The following DPYSL4 variants were observed in gnomAD, a reference collection of about 807,000 sequenced individuals.
The protein encoded by DPYSL4 is dihydropyrimidinase like 4.
In DPYSL4, 43 loss-of-function variants were observed where a neutral mutation model predicts 63.4. The ratio of observed to expected loss-of-function variants is 0.68; its 90% CI spans 0.53 to 0.88. The LOEUF (loss-of-function observed/expected upper bound fraction) is 0.88. DPYSL4 is among the 40% of genes least tolerant of loss of function. The probability of loss-of-function intolerance (pLI) is 0.00; values close to 1 mark genes in which losing one functional copy is unlikely to be tolerated. For missense variants in DPYSL4, 733 were observed against 819.5 expected (o/e 0.89, Z 1.29); for synonymous variants, 353 against 331.7 (o/e 1.06, Z -0.70).
chr10:132,200,266 G>A, intron 8 of DPYSL4, 90 bp from the exon 9 acceptor site: 2 of 1,493,856 alleles, frequency 1.3e-6, no homozygotes, highest in Non-Finnish European at 1.8e-6. Context: ...GAAAGTGAGG[G>A]GCAGTCGTGG....
At chr10:132,190,918 G>A in intron 2 of DPYSL4, 83 bp downstream of exon 2, 1 of 1,406,090 alleles carries the variant, frequency 7.1e-7, no homozygotes, top group Non-Finnish European at 9.9e-7. Context: ...TTGAAAGTAT[G>A]TTCCCAGCTC....
chr10:132,193,642 T>C (rs1454377515), intron 3 of DPYSL4, among the ~76,000 whole-genome samples: 1 of 152,268 alleles, frequency 6.6e-6, no homozygotes, highest in Non-Finnish European at 1.5e-5. Flanking sequence ...CTGAGGAGCC[T>C]AGCTGAACCT....
In DPYSL4 at chr10:132,202,690, G is replaced by C. The variant is rs777892728; in HGVS notation, c.1326G>C (p.Ala442=). 6.2e-7 allele frequency: 1 copy of C among 1,613,196 alleles called. No homozygotes were observed. The highest frequency in any genetic ancestry group is 8.5e-7 in the Non-Finnish European group (1 of 1,179,966). ...TCGAGGGAGTGGAGTGCCGGGGAGCGCCTGCCGTGGTCATAAGTCAGGGCC... is the reference window on the plus strand; with the variant it reads ...TCGAGGGAGTGGAGTGCCGGGGAGCCCCTGCCGTGGTCATAAGTCAGGGCC... ...NIFEGVECRG[A]PAVVISQGRV... is the part of the protein sequence containing the mutation. The change falls in exon 12 of 14, where the codon GCG becomes GCC. Residue 442 remains alanine, a synonymous_variant. Transcript: ENST00000338492.
intron 3 of DPYSL4, among the ~76,000 whole-genome samples, chr10:132,194,054 G>A (rs754136932): frequency 2.6e-4 from 40 of 152,242 alleles, no homozygotes; most frequent in South Asian, 6.2e-4. Context: ...GTGGGTCCCC[G>A]CGAAGACAGA....
At chr10:132,189,202 A>G (rs2061842089) in intron 1 of DPYSL4, among the ~76,000 whole-genome samples, 1 of 152,246 alleles carries the variant, frequency 6.6e-6, no homozygotes, top group Non-Finnish European at 1.5e-5. Context: ...GCAGACGGTC[A>G]GTCCTGCCGG....
At chr10:132,198,152 T>C (rs1433188876) in intron 6 of DPYSL4, among the ~76,000 whole-genome samples, 4 of 152,122 alleles carry the variant, frequency 2.6e-5, no homozygotes, top group Non-Finnish European at 4.4e-5. Flanking sequence ...GGGGTCTTGG[T>C]GCCATCAGTC....
At position 132,191,346 on chromosome 10, in the gene DPYSL4, T is replaced by G. The variant is rs112164254; in HGVS notation, c.128+511T>G. 8.8e-3 allele frequency among the ~76,000 whole-genome samples: 1,183 copies of G among 133,922 alleles called. 16 individuals carry two copies. Among genetic ancestry groups the G allele is most frequent in the African/African-American group, 0.031 (1,073 of 34,276 alleles). The allele number at this position is 133,922 out of a possible 152,430, so 87.9% of individuals were successfully genotyped here. A position where few individuals can be genotyped will look rare whatever the true frequency, so the allele number is the denominator to read the frequency against. On this transcript the variant is annotated intron_variant, in intron 2 of 13. Transcript: ENST00000338492. ...CACTGGCCACGTGGTATCCAGGCAG[T>G]TGAAAGTATGTTCCCACCTCTTGTG...
intron 12 of DPYSL4, 93 bp from the exon 13 acceptor site, chr10:132,203,669 G>A (rs1212638675): frequency 5.1e-5 from 63 of 1,241,910 alleles, no homozygotes; most frequent in Non-Finnish European, 6.6e-5. Flanking sequence ...CCCTCCAGCT[G>A]CCCATGCTCA....
chr10:132,202,421 C>T (rs1217727138), intron 11 of DPYSL4, among the ~76,000 whole-genome samples: 3 of 152,250 alleles, frequency 2.0e-5, no homozygotes, highest in African/African-American at 7.2e-5. Context: ...ACGCCTGTCC[C>T]CTTTGTCCTC....
At chr10:132,192,602 C>A in intron 2 of DPYSL4, 56 bp from the exon 3 acceptor site, 1 of 1,527,304 alleles carries the variant, frequency 6.5e-7, no homozygotes. Context: ...TGCTGGGAGC[C>A]CATCTGGGCT....
intron 8 of DPYSL4, 58 bp downstream of exon 8, chr10:132,199,029 C>A: frequency 6.3e-7 from 1 of 1,582,246 alleles, no homozygotes; most frequent in Non-Finnish European, 8.6e-7. Flanking sequence ...CTCCTGGGTG[C>A]AGCCCTGGGG....
chr10:132,192,595 T>C, intron 2 of DPYSL4, 63 bp from the exon 3 acceptor site: 8 of 1,525,226 alleles, frequency 5.2e-6, no homozygotes, highest in Non-Finnish European at 7.0e-6. Context: ...GCTGCATTGC[T>C]GGGAGCCCAT....
At chr10:132,187,297 C>G (rs1441041160) in intron 1 of DPYSL4, among the ~76,000 whole-genome samples, 195 bp downstream of exon 1, 2 of 151,604 alleles carry the variant, frequency 1.3e-5, no homozygotes, top group Admixed American at 6.5e-5. Flanking sequence ...TAGCGCCGCG[C>G]AGACCCCCTT....
chr10:132,204,749 G>A, intron 13 of DPYSL4, 90 bp from the exon 14 acceptor site: 1 of 1,179,418 alleles, frequency 8.5e-7, no homozygotes, highest in Non-Finnish European at 1.2e-6. Flanking sequence ...TGGCCCCACT[G>A]ACGCAGCCAC....
At position 132,200,402 on chromosome 10, in the gene DPYSL4, C is replaced by T. The variant is rs56326856; in HGVS notation, c.858C>T (p.Asp286=). The T allele has an allele frequency of 0.15, 237,380 of 1,613,348 alleles. 18,668 individuals carry two copies. The highest frequency in any genetic ancestry group is 0.22 in the African/African-American group (16,769 of 74,968). The change falls in exon 9 of 14, where the codon GAC becomes GAT. Residue 286 remains aspartate (D), a synonymous_variant. Transcript: ENST00000338492. ...CCATCACCGCCAGCCTGGGCACCGA[C>T]GGTTCACACTACTGGAGCAAGAACT... ...GEPITASLGT[D]GSHYWSKNWA...
At chr10:132,196,826 G>A in intron 4 of DPYSL4, 35 bp from the exon 5 acceptor site, 2 of 1,611,972 alleles carry the variant, frequency 1.2e-6, no homozygotes, top group Non-Finnish European at 1.7e-6. Flanking sequence ...TCTGACTGGT[G>A]ATGGCTGAGC....
In DPYSL4 at chr10:132,196,909, G is replaced by A. The variant is rs2061952819; in HGVS notation, c.527G>A (p.Cys176Tyr). 1.9e-6 allele frequency: 3 copies of A among 1,612,868 alleles called. No homozygotes were observed. In the East Asian group the frequency reaches 6.7e-5, roughly 36 times the overall value. Residue 176 changes from cysteine to tyrosine, a missense_variant, in exon 5 of 14, where the codon TGC (cysteine) becomes TAC (tyrosine). Cys to Tyr is a radical substitution (Grantham distance 194). Coordinates refer to ENST00000338492, the MANE Select transcript of DPYSL4 (RefSeq NM_006426.3). ...VFMAYKDRCQCSDSQMYEIFS... is the reference protein window; with the variant it reads ...VFMAYKDRCQYSDSQMYEIFS... ...ATGGCATACAAGGACCGGTGCCAGT[G>A]CAGCGACAGCCAGGTAAGGGCAGGC...
chr10:132,195,946 A>C (rs2061937636), intron 4 of DPYSL4, among the ~76,000 whole-genome samples: 1 of 152,330 alleles, frequency 6.6e-6, no homozygotes, highest in East Asian at 1.9e-4. Context: ...AGGAGTCCTC[A>C]GTCCTGTGCC....
At chr10:132,202,555 C>G (rs568958807) in intron 11 of DPYSL4, 91 bp from the exon 12 acceptor site, 613 of 1,532,240 alleles carry the variant, frequency 4.0e-4, no homozygotes, top group Middle Eastern at 7.2e-4. Context: ...CTGCTCCACG[C>G]TGGGCGGCCA....
Sources: gnomAD v4.1 joint callset for allele counts (sites outside exome capture counted in the v4.1 genomes callset) on GRCh38, gnomAD v4.1.1 for gene constraint, MANE v1.5 for transcripts, NCBI Gene and HGNC (gene_info 2026-07-23, HGNC 2026-07-21) for gene names.